Variants in CRCP observed in about 807,000 individuals in gnomAD.
CRCP encodes the protein CGRP receptor component.
CRCP carries 18 observed loss-of-function variants against 18.5 expected under a neutral mutation model. That is an observed-to-expected ratio of 0.97 (90% CI 0.67 to 1.44). The LOEUF (loss-of-function observed/expected upper bound fraction) is 1.44. CRCP is among the 40% of genes most tolerant of loss of function. The pLI, the probability that CRCP is intolerant of heterozygous loss-of-function variation, is 0.00. For missense variants in CRCP, 130 were observed against 176.4 expected, an observed-to-expected ratio of 0.74 and a Z score of 1.49; for synonymous variants, 53 against 62.9, an observed-to-expected ratio of 0.84 and a Z score of 0.75.
chr7:66,115,756 C>T (rs780627253), intron 1 of CRCP, among the ~76,000 whole-genome samples: 18 of 152,076 alleles, frequency 1.2e-4, no homozygotes, highest in Non-Finnish European at 1.6e-4. Flanking sequence ...TGTTCTTTTG[C>T]CTCATGTTTA....
rs1410768490 is a variant in CRCP at position 66,138,637 on chromosome 7, A to AG, written c.239+4263_239+4264insG. On this transcript the variant is annotated intron_variant, in intron 4 of 5. Coordinates refer to ENST00000395326, the MANE Select transcript of CRCP (RefSeq NM_014478.5). ...CGTCTCTACTAAAAAAAAAAAAAAA[A>AG]AAAAAAATCAGCTGGGCATGGTGGC... Among the ~76,000 whole-genome samples, 18 of 149,840 alleles carry AG rather than the reference A, an allele frequency of 1.2e-4. No individual in the cohort carries two copies. The East Asian group carries it at 3.5e-3, about 29-fold the overall frequency.
chr7:66,118,214 G>T (rs1297195725), intron 1 of CRCP, among the ~76,000 whole-genome samples: 1 of 152,206 alleles, frequency 6.6e-6, no homozygotes, highest in Non-Finnish European at 1.5e-5. Flanking sequence ...GACCTCAGGT[G>T]ATTTGCCTGC....
In CRCP at chr7:66,152,270, C is replaced by T. The variant is rs746821960; in HGVS notation, c.360C>T (p.Val120=). ...AGATTGAAGCTCTTCTCCACACCGT[C>T]ACCAGCATTCTGCCTGCAGAGCCAG... ...EEQIEALLHT[V]TSILPAEPEA... Residue 120 remains valine, a synonymous_variant, in exon 6 of 6, where the codon GTC becomes GTT. Coordinates refer to ENST00000395326, the MANE Select transcript of CRCP (RefSeq NM_014478.5). The T allele has an allele frequency of 6.2e-6, 10 of 1,614,124 alleles. No individual in the cohort carries two copies. The highest frequency in any genetic ancestry group is 8.5e-6 in the Non-Finnish European group (10 of 1,180,020).
chr7:66,115,596 G>C (rs1787235646), intron 1 of CRCP, among the ~76,000 whole-genome samples: 1 of 152,148 alleles, frequency 6.6e-6, no homozygotes, highest in African/African-American at 2.4e-5. Context: ...TTAACTCCAC[G>C]TGGTCTTTTC....
intron 1 of CRCP, among the ~76,000 whole-genome samples, chr7:66,121,400 T>G (rs1159794796): frequency 6.6e-6 from 1 of 152,122 alleles, no homozygotes; most frequent in African/African-American, 2.4e-5. Flanking sequence ...GATTGACAAT[T>G]TAAAAATAAA....
At chr7:66,144,974 C>A (rs1387099072) in intron 4 of CRCP, among the ~76,000 whole-genome samples, 1 of 152,038 alleles carries the variant, frequency 6.6e-6, no homozygotes, top group South Asian at 2.1e-4. Context: ...CATGATGAAA[C>A]CCCATCTCTG....
chr7:66,127,345 G>T (rs745405020), intron 1 of CRCP, among the ~76,000 whole-genome samples: 2 of 152,216 alleles, frequency 1.3e-5, no homozygotes, highest in Non-Finnish European at 2.9e-5. Context: ...TATTTGGCAG[G>T]ATACTTGCCC....
intron 4 of CRCP, among the ~76,000 whole-genome samples, chr7:66,136,411 G>A (rs1787972939): frequency 6.6e-6 from 1 of 152,122 alleles, no homozygotes; most frequent in Non-Finnish European, 1.5e-5. Context: ...TGTATTTTTA[G>A]TAGAGACGTG....
intron 1 of CRCP, among the ~76,000 whole-genome samples, chr7:66,122,723 A>G (rs1787483930): frequency 6.6e-6 from 1 of 152,130 alleles, no homozygotes; most frequent in Admixed American, 6.6e-5. Flanking sequence ...CTTAGACAGC[A>G]AACACTTGTT....
Position 66,152,339 on chromosome 7 carries a change from C to T in CRCP, c.429C>T (p.Asp143=), listed in dbSNP as rs759882362. The T allele has an allele frequency of 3.1e-5, 50 of 1,613,858 alleles. No individual in the cohort carries two copies. The highest frequency in any genetic ancestry group is 1.4e-4 in the South Asian group (13 of 91,084). The change falls in exon 6 of 6, where the codon GAC becomes GAT. Residue 143 remains aspartate, a synonymous_variant. Coordinates refer to ENST00000395326, the MANE Select transcript of CRCP (RefSeq NM_014478.5). ...KKNTNSNVAM[D]EEDPA The stretch of plus-strand genomic sequence containing the variant: ...ATACAAACAGCAATGTGGCAATGGA[C>T]GAAGAGGACCCAGCATAGAAGAGCA...
At chr7:66,132,443 A>G (rs1787836086) in intron 3 of CRCP, among the ~76,000 whole-genome samples, 1 of 152,182 alleles carries the variant, frequency 6.6e-6, no homozygotes. Context: ...CACAAAACCT[A>G]TGGCTTTTGA....
intron 2 of CRCP, 88 bp downstream of exon 2, chr7:66,127,828 T>C: frequency 6.9e-7 from 1 of 1,459,442 alleles, no homozygotes; most frequent in Non-Finnish European, 9.6e-7. Flanking sequence ...AATGACTGAA[T>C]TCAGGCTGGG....
At position 66,153,238 on chromosome 7, in the gene CRCP, G is replaced by T. The variant is rs1029084191; in HGVS notation, c.*881G>T. ...GGATCACCTGAGGTCAGGAGTTTGA[G>T]ACCAGCCTCACCAACATGGAAAAAC... On this transcript the variant is annotated 3_prime_UTR_variant, in exon 6 of 6. Transcript: ENST00000395326. 6.6e-6 allele frequency: 1 copy of T among 152,520 alleles called. No homozygotes were observed. The highest frequency in any genetic ancestry group is 1.5e-5 in the Non-Finnish European group (1 of 68,064). 9.4% of individuals were successfully genotyped at this position (152,520 alleles called of 1,614,324 possible).
In CRCP at chr7:66,145,439, A is replaced by G; in HGVS notation, c.240-4A>G. 1 of 1,613,746 alleles carries G rather than the reference A, an allele frequency of 6.2e-7. No homozygotes were observed. Among genetic ancestry groups the G allele is most frequent in the South Asian group, 1.1e-5 (1 of 91,066 alleles). ...GTTGTCAACGCTGTACTTTCCCTCC[A>G]CAGAGCTGAGAAGCTCCAGCTGCTG... is the stretch of plus-strand genomic sequence containing the variant. On this transcript the variant is annotated splice_region_variant and splice_polypyrimidine_tract_variant and intron_variant, in intron 4 of 5. Transcript: ENST00000395326.
intron 1 of CRCP, among the ~76,000 whole-genome samples, chr7:66,118,924 G>A (rs778448625): frequency 1.3e-5 from 2 of 152,214 alleles, no homozygotes. Context: ...CTAAGCCTCA[G>A]AAGCAGGCCT....
chr7:66,152,526 G>A lies in CRCP; in HGVS notation c.*169G>A. The A allele has an allele frequency of 1.4e-6, 1 of 722,818 alleles. No homozygotes were observed. The highest frequency in any genetic ancestry group is 2.2e-6 in the Non-Finnish European group (1 of 454,790). 44.8% of individuals were successfully genotyped at this position (722,818 alleles called of 1,614,324 possible). On this transcript the variant is annotated 3_prime_UTR_variant, in exon 6 of 6. Transcript: ENST00000395326. ...GTTAAAAAGAAATATTTGTGCCTTG[G>A]GGAGAAGAAACATGGTGAAAACAGG...
Position 66,126,282 on chromosome 7 carries a change from A to C in CRCP, c.9-1422A>C, listed in dbSNP as rs773865802. 6.0e-5 allele frequency among the ~76,000 whole-genome samples: 9 copies of C among 149,112 alleles called. 2 individuals are homozygous for C. The highest frequency in any genetic ancestry group is 1.2e-4 in the Non-Finnish European group (8 of 66,734). On this transcript the variant is annotated intron_variant, in intron 1 of 5. Transcript: ENST00000395326. ...GACTCGGAAGTCACCTATCTGGCCCATGCTTTTGAAGTCTTGGGTCATCAT... is the reference window on the plus strand; with the variant it reads ...GACTCGGAAGTCACCTATCTGGCCCCTGCTTTTGAAGTCTTGGGTCATCAT...
chr7:66,141,110 C>G, intron 4 of CRCP, among the ~76,000 whole-genome samples: 1 of 152,192 alleles, frequency 6.6e-6, no homozygotes, highest in Non-Finnish European at 1.5e-5. Flanking sequence ...GTTAACGCTT[C>G]AGGCAGCGTT....
intron 5 of CRCP, 118 bp downstream of exon 5, chr7:66,145,618 T>A: frequency 9.4e-7 from 1 of 1,058,316 alleles, no homozygotes; most frequent in Non-Finnish European, 1.4e-6. Context: ...CTCCATTTCT[T>A]AAGGAAAAAG....
Sources: gnomAD v4.1 joint callset for allele counts (sites outside exome capture counted in the v4.1 genomes callset) on GRCh38, gnomAD v4.1.1 for gene constraint, MANE v1.5 for transcripts, NCBI Gene and HGNC (gene_info 2026-07-23, HGNC 2026-07-21) for gene names.